The following RAI1 variants were observed in gnomAD, a reference collection of about 807,000 sequenced individuals.
RAI1 encodes retinoic acid induced 1, also known as retinoic acid-induced protein 1.
In RAI1, 9 loss-of-function variants were observed where a neutral mutation model predicts 123.8. The ratio of observed to expected loss-of-function variants is 0.07; its 90% CI spans 0.04 to 0.13. The LOEUF (loss-of-function observed/expected upper bound fraction) is 0.13, where lower values mean the gene tolerates loss of function less well. Among genes scored for constraint, RAI1 ranks in the 10% least tolerant of loss-of-function variants. The pLI is 1.00. For synonymous variants in RAI1, 1,231 were observed against 1,127.3 expected (o/e 1.09, Z -1.84); for missense variants, 2,256 against 2,545.8 (o/e 0.89, Z 2.45).
chr17:17,705,885 A>G (rs571867308), intron 1 of RAI1, among the ~76,000 whole-genome samples: 27 of 150,012 alleles, frequency 1.8e-4, no homozygotes, highest in African/African-American at 5.9e-4. Context: ...TTAGCTGGGC[A>G]TGGTGGCGCG....
chr17:17,743,087 C>CA (rs1916697642), intron 2 of RAI1, among the ~76,000 whole-genome samples: 1 of 152,230 alleles, frequency 6.6e-6, no homozygotes, highest in African/African-American at 2.4e-5. Context: ...CTCCCAGGCT[C>CA]AAACCATCCT....
At chr17:17,698,461 G>A (rs1042708855) in intron 1 of RAI1, among the ~76,000 whole-genome samples, 2 of 152,120 alleles carry the variant, frequency 1.3e-5, no homozygotes, top group African/African-American at 4.8e-5. Context: ...AGACAACCCT[G>A]TAACAGCCCT....
At chr17:17,757,033 C>T (rs752579) in intron 2 of RAI1, among the ~76,000 whole-genome samples, 64,035 of 152,054 alleles carry the variant, frequency 0.42, 17,019 homozygotes, top group Non-Finnish European at 0.61. Flanking sequence ...CCTATCTCCG[C>T]GGGGTCAGGC....
At position 17,809,086 on chromosome 17, in the gene RAI1, G is replaced by C. The variant is rs1407299112; in HGVS notation, c.5660-304G>C. ...CAAGTGTGGCTGGCAGAGTAAGGCG[G>C]GAGGGAGGGAGGGACTGAGGGACTG... On this transcript the variant is annotated intron_variant, in intron 4 of 5. Transcript: ENST00000353383. This position sits in a 1 kb window ranked among gnomAD's most constrained non-coding sequence, Gnocchi z 4.9. 2.1e-6 allele frequency: 1 copy of C among 472,552 alleles called. No individual in the cohort carries two copies. The highest frequency in any genetic ancestry group is 3.9e-6 in the Non-Finnish European group (1 of 255,422). The allele number at this position is 472,552 out of a possible 1,614,324, so 29.3% of individuals were successfully genotyped here.
At chr17:17,757,766 C>A (rs1008532057) in intron 2 of RAI1, among the ~76,000 whole-genome samples, 1 of 152,194 alleles carries the variant, frequency 6.6e-6, no homozygotes, top group East Asian at 1.9e-4. Context: ...TTGAGATACA[C>A]CTGCTCACGC....
chr17:17,716,724 GTGTCTGGCCCA>G (rs1196448628), intron 1 of RAI1, among the ~76,000 whole-genome samples: 1 of 80,058 alleles, frequency 1.2e-5, no homozygotes, highest in Non-Finnish European at 2.6e-5. Context: ...TGGCCCACAT[GTGTCTGGCCCA>G]CATATGCTGG....
At chr17:17,767,156 C>T (rs937892837) in intron 2 of RAI1, among the ~76,000 whole-genome samples, 7 of 152,168 alleles carry the variant, frequency 4.6e-5, no homozygotes, top group South Asian at 2.1e-4. Flanking sequence ...ACTTCCCCAA[C>T]GAGCCAGGTG....
At chr17:17,718,517 TGCCAGCC>T (rs1915780039) in intron 1 of RAI1, among the ~76,000 whole-genome samples, 1 of 152,202 alleles carries the variant, frequency 6.6e-6, no homozygotes, top group Non-Finnish European at 1.5e-5. Flanking sequence ...TGAAGGACCA[TGCCAGCC>T]CCATGTGGGC....
chr17:17,779,688 C>A (rs910084515), intron 2 of RAI1, among the ~76,000 whole-genome samples: 3 of 152,040 alleles, frequency 2.0e-5, no homozygotes, highest in Non-Finnish European at 1.5e-5. Flanking sequence ...ACATGGAAAC[C>A]CTTAGTAGGT....
intron 2 of RAI1, among the ~76,000 whole-genome samples, chr17:17,731,824 G>A (rs1472256276): frequency 6.6e-6 from 1 of 152,194 alleles, no homozygotes; most frequent in East Asian, 1.9e-4. Context: ...TCCCCTGTGA[G>A]CTGAGCACTG....
At chr17:17,686,568 C>CGTGTGTGTGTGT (rs58906330) in intron 1 of RAI1, among the ~76,000 whole-genome samples, 1,589 of 124,428 alleles carry the variant, frequency 0.013, 11 homozygotes, top group Non-Finnish European at 0.019. Flanking sequence ...TTCTTGAACC[C>CGTGTGTGTGTGT]GTGTGTGTGT....
At chr17:17,765,338 A>G (rs2030881218) in intron 2 of RAI1, among the ~76,000 whole-genome samples, 1 of 152,222 alleles carries the variant, frequency 6.6e-6, no homozygotes, top group African/African-American at 2.4e-5. Context: ...TCCAGGCAGG[A>G]GGTGGAGGGG....
At chr17:17,783,567 A>C (rs1039991973) in intron 2 of RAI1, among the ~76,000 whole-genome samples, 1 of 152,116 alleles carries the variant, frequency 6.6e-6, no homozygotes, top group Non-Finnish European at 1.5e-5. Flanking sequence ...CAACCCCCAC[A>C]CACCCTGCGC....
intron 2 of RAI1, among the ~76,000 whole-genome samples, chr17:17,738,333 G>T (rs956971071): frequency 1.3e-5 from 2 of 151,060 alleles, no homozygotes; most frequent in South Asian, 2.1e-4. Flanking sequence ...TGAGTGGGGC[G>T]GGCTGGCTGG....
Position 17,810,912 on chromosome 17 carries a change from T to C in RAI1, c.*931T>C. The C allele has an allele frequency of 2.5e-6, 1 of 398,390 alleles. No individual in the cohort carries two copies. The highest frequency in any genetic ancestry group is 1.7e-5 in the South Asian group (1 of 58,948). 24.7% of individuals were successfully genotyped at this position (398,390 alleles called of 1,614,324 possible). A position where few individuals can be genotyped will look rare whatever the true frequency, so the allele number is the denominator to read the frequency against. On this transcript the variant is annotated 3_prime_UTR_variant, in exon 6 of 6. Transcript: ENST00000353383. This position sits in a 1 kb window ranked among gnomAD's most constrained non-coding sequence, Gnocchi z 4.6. ...TGTACAAAACCTGTGTACCCCTCTA[T>C]ATATATGTTACATAGAATGTATATA...
intron 1 of RAI1, among the ~76,000 whole-genome samples, chr17:17,693,875 G>C (rs1329699197): frequency 1.3e-5 from 2 of 152,174 alleles, no homozygotes; most frequent in Non-Finnish European, 2.9e-5. Context: ...GGGAAGTAGC[G>C]AGTGCCACTA....
Position 17,809,213 on chromosome 17 carries a change from C to A in RAI1, c.5660-177C>A, listed in dbSNP as rs1471481046. 4 of 719,738 alleles carry A rather than the reference C, an allele frequency of 5.6e-6. No individual in the cohort carries two copies. 44.6% of individuals were successfully genotyped at this position (719,738 alleles called of 1,614,324 possible). A position where few individuals can be genotyped will look rare whatever the true frequency, so the allele number is the denominator to read the frequency against. ...GCCAGGCCAGGGGCCGCACCCGCGC[C>A]GTGGAGTGGAGTGGAGTGTGGAGGG... On this transcript the variant is annotated intron_variant, in intron 4 of 5. Transcript: ENST00000353383. This position sits in a 1 kb window ranked among gnomAD's most constrained non-coding sequence, Gnocchi z 4.9.
intron 2 of RAI1, among the ~76,000 whole-genome samples, chr17:17,748,594 T>C (rs996951900): frequency 1.3e-5 from 2 of 152,218 alleles, no homozygotes; most frequent in Non-Finnish European, 2.9e-5. Context: ...GGGAGGTTGC[T>C]TGGACAACTG....
At chr17:17,725,770 G>A (rs577954082) in intron 2 of RAI1, among the ~76,000 whole-genome samples, 1 of 152,158 alleles carries the variant, frequency 6.6e-6, no homozygotes, top group South Asian at 2.1e-4. Context: ...CAGGTCCAGA[G>A]ACACCAAGCT....
Sources: allele counts gnomAD v4.1 joint callset (sites outside exome capture counted in the v4.1 genomes callset), GRCh38; gene constraint gnomAD v4.1.1; non-coding constraint Gnocchi (gnomAD v3.1); transcripts MANE v1.5; gene names NCBI Gene and HGNC (gene_info 2026-07-23, HGNC 2026-07-21).